The following CDH18 variants were observed in gnomAD, a reference collection of about 807,000 sequenced individuals.
CDH18 encodes cadherin-18.
Under a neutral mutation model 67.9 loss-of-function variants are expected in CDH18, and 31 were observed. That is an observed-to-expected ratio of 0.46 (90% CI 0.34 to 0.62). The LOEUF is 0.62. CDH18 is among the 20% of genes least tolerant of loss of function. The probability of loss-of-function intolerance (pLI) is 0.01; values close to 1 mark genes in which losing one functional copy is unlikely to be tolerated. For missense variants in CDH18, 890 were observed against 975.5 expected (o/e 0.91, Z 1.17); for synonymous variants, 362 against 347.2 (o/e 1.04, Z -0.48).
chr5:19,737,657 G>T (rs1329125520), intron 4 of CDH18, among the ~76,000 whole-genome samples: 1 of 152,022 alleles, frequency 6.6e-6, no homozygotes, highest in Admixed American at 6.6e-5. Flanking sequence ...TAGAAATCAG[G>T]TTCAATTAAA....
At position 20,461,563 on chromosome 5, in the gene CDH18, C is replaced by T. The variant is rs139457219; in HGVS notation, c.-580+113899G>A. On this transcript the variant is annotated intron_variant, in intron 1 of 14. Transcript: ENST00000507958. ...CTTTAATGTGAGGGCTGCTTTTCAG[C>T]CCCTTTCTCTCCTCTTCTCACTGTT... is the stretch of plus-strand genomic sequence containing the variant. Among the ~76,000 whole-genome samples the T allele has an allele frequency of 8.2e-3, 1,255 of 152,148 alleles. 12 individuals carry two copies. The highest frequency in any genetic ancestry group is 0.014 in the Non-Finnish European group (969 of 68,014).
intron 1 of CDH18, among the ~76,000 whole-genome samples, chr5:20,553,484 A>G (rs1757748387): frequency 6.6e-6 from 1 of 152,172 alleles, no homozygotes; most frequent in Non-Finnish European, 1.5e-5. Context: ...TGGGCTAATT[A>G]TAGAATATAT....
At chr5:19,642,601 T>A (rs1336923889) in intron 5 of CDH18, among the ~76,000 whole-genome samples, 1 of 152,020 alleles carries the variant, frequency 6.6e-6, no homozygotes, top group Non-Finnish European at 1.5e-5. Context: ...AAAATAGTGT[T>A]GGGAAAACTG....
chr5:19,745,294 T>C (rs1008569362), intron 4 of CDH18, among the ~76,000 whole-genome samples: 3 of 152,204 alleles, frequency 2.0e-5, no homozygotes, highest in Non-Finnish European at 2.9e-5. Context: ...AGAAATCTGT[T>C]TGTGGCATCC....
chr5:20,239,276 G>A (rs1742710137), intron 2 of CDH18, among the ~76,000 whole-genome samples: 1 of 152,042 alleles, frequency 6.6e-6, no homozygotes, highest in Non-Finnish European at 1.5e-5. Context: ...GCAACACGAT[G>A]AAGCCCCATC....
At chr5:19,709,303 C>T (rs1165908866) in intron 5 of CDH18, among the ~76,000 whole-genome samples, 1 of 152,100 alleles carries the variant, frequency 6.6e-6, no homozygotes, top group Non-Finnish European at 1.5e-5. Context: ...CACGGTGGCT[C>T]ATGCTTATAA....
intron 1 of CDH18, among the ~76,000 whole-genome samples, chr5:20,262,402 A>G (rs1744722582): frequency 1.3e-5 from 2 of 152,210 alleles, no homozygotes. Context: ...ACTTGATAGT[A>G]ATGTTTTCTA....
At chr5:20,277,874 C>CT (rs768446373) in intron 1 of CDH18, among the ~76,000 whole-genome samples, 18 of 152,040 alleles carry the variant, frequency 1.2e-4, no homozygotes, top group Non-Finnish European at 2.4e-4. Flanking sequence ...AGTTGACATA[C>CT]TGAAGAATGT....
chr5:19,780,022 G>A (rs1774912187), intron 3 of CDH18, among the ~76,000 whole-genome samples: 1 of 152,076 alleles, frequency 6.6e-6, no homozygotes, highest in African/African-American at 2.4e-5. Flanking sequence ...AAGTATGTAG[G>A]AAGGGCCTGT....
At position 19,472,692 on chromosome 5, in the gene CDH18, G is replaced by C. The variant is rs897913345; in HGVS notation, c.*534C>G. On this transcript the variant is annotated 3_prime_UTR_variant, in exon 13 of 13. Coordinates refer to ENST00000382275, the MANE Select transcript of CDH18 (RefSeq NM_004934.5). Reference sequence around the variant, plus strand: ...ATGGTACATACAAGTCCATGATAGAGTGGAAATACCTCATGTAATATAAAC... The same window carrying C: ...ATGGTACATACAAGTCCATGATAGACTGGAAATACCTCATGTAATATAAAC... Among the ~76,000 whole-genome samples, 5 of 152,084 alleles carry C rather than the reference G, an allele frequency of 3.3e-5. No homozygotes were observed. Among genetic ancestry groups the C allele is most frequent in the African/African-American group, 1.2e-4 (5 of 41,412 alleles).
rs2149936978 is a variant in CDH18, at chr5:19,571,661, C to T, written c.1171G>A (p.Glu391Lys). ...CCAATCTTGGCATTTTCGTAGACTT[C>T]CATGAGGTAGGAAGGCATGGAAAAT... is the stretch of plus-strand genomic sequence containing the variant. ...PLFSMPSYLM[E>K]VYENAKIGTV... Residue 391 changes from glutamate to lysine, a missense_variant, in exon 8 of 13, where the codon GAA becomes AAA. Physicochemically the swap from Glu to Lys is moderately conservative, Grantham distance 56. This residue lies in a region of CDH18 where 656 missense variants were observed against 668.1 expected (regional missense o/e 0.98). Transcript: ENST00000382275. 1.9e-6 allele frequency: 3 copies of T among 1,613,838 alleles called. No individual in the cohort carries two copies. Among genetic ancestry groups the T allele is most frequent in the Non-Finnish European group, 2.5e-6 (3 of 1,179,872 alleles).
intron 12 of CDH18, among the ~76,000 whole-genome samples, chr5:19,479,554 T>A (rs1417041543): frequency 6.6e-6 from 1 of 152,170 alleles, no homozygotes; most frequent in Non-Finnish European, 1.5e-5. Flanking sequence ...TTTTCACTAA[T>A]TTTATTAGTT....
At chr5:19,891,454 TTA>T (rs1263443561) in intron 2 of CDH18, among the ~76,000 whole-genome samples, 1 of 152,252 alleles carries the variant, frequency 6.6e-6, no homozygotes, top group African/African-American at 2.4e-5. Context: ...GCTTCAGAGA[TTA>T]TGTTATGCAC....
intron 2 of CDH18, among the ~76,000 whole-genome samples, chr5:20,080,763 A>G (rs1554087852): frequency 6.6e-6 from 1 of 152,114 alleles, no homozygotes; most frequent in Non-Finnish European, 1.5e-5. Context: ...GTAAATGAAG[A>G]ATTAAAGAAT....
intron 4 of CDH18, among the ~76,000 whole-genome samples, chr5:19,724,392 G>A (rs984560099): frequency 6.6e-6 from 1 of 152,056 alleles, no homozygotes; most frequent in African/African-American, 2.4e-5. Flanking sequence ...GGTATAGCAG[G>A]GAAGCATAAG....
chr5:20,473,583 TG>T (rs1752237841), intron 1 of CDH18, among the ~76,000 whole-genome samples: 1 of 152,114 alleles, frequency 6.6e-6, no homozygotes, highest in South Asian at 2.1e-4. Context: ...TCTTTTCACT[TG>T]AATTTCTTAT....
chr5:19,502,762 A>G (rs892924189), intron 11 of CDH18: 8 of 541,220 alleles, frequency 1.5e-5, no homozygotes, highest in South Asian at 5.5e-5. Flanking sequence ...AGCATATTAC[A>G]TGTACATTTC....
intron 2 of CDH18, among the ~76,000 whole-genome samples, chr5:20,172,214 A>ATACACGTATATATATATATACG (rs1554098758): frequency 3.0e-5 from 1 of 32,860 alleles, no homozygotes; most frequent in African/African-American, 1.2e-4. Flanking sequence ...ATATATATAT[A>ATACACGTATATATATATATACG]TATATATATG....
Position 20,189,656 on chromosome 5 carries a change from G to T in CDH18, c.-518+65788C>A, listed in dbSNP as rs866477683. Among the ~76,000 whole-genome samples, 160 of 152,246 alleles carry T rather than the reference G, an allele frequency of 1.1e-3. 1 individual carries two copies. The highest frequency in any genetic ancestry group is 3.7e-3 in the African/African-American group (153 of 41,570). On this transcript the variant is annotated intron_variant, in intron 2 of 14. Transcript: ENST00000507958. ...CAAGGTCAAAAAGCTAGCAGAGGCA[G>T]AACCAAGGAAGATTACGCACACGAC...
Sources: allele counts gnomAD v4.1 joint callset (sites outside exome capture counted in the v4.1 genomes callset), GRCh38; gene constraint gnomAD v4.1.1; regional missense constraint gnomAD v4.1.1; transcripts MANE v1.5; gene names NCBI Gene and HGNC (gene_info 2026-07-23, HGNC 2026-07-21).